Variants in SAMD12 observed in about 807,000 individuals in gnomAD.
SAMD12 encodes sterile alpha motif domain containing 12.
Under a neutral mutation model 15.0 loss-of-function variants are expected in SAMD12, and 9 were observed. That is an observed-to-expected ratio of 0.60 (90% confidence interval 0.36 to 1.05). The LOEUF (loss-of-function observed/expected upper bound fraction) is 1.05. Among genes scored for constraint, SAMD12 ranks in the 50% least tolerant of loss-of-function variants. The probability of loss-of-function intolerance (pLI) is 0.01; values close to 1 mark genes in which losing one functional copy is unlikely to be tolerated. For missense variants in SAMD12, 230 were observed against 234.2 expected (o/e 0.98, Z 0.12); for synonymous variants, 86 against 90.1 (o/e 0.96, Z 0.25).
intron 2 of SAMD12, among the ~76,000 whole-genome samples, chr8:118,457,802 T>C (rs74628708): frequency 3.9e-5 from 6 of 152,322 alleles, no homozygotes; most frequent in Non-Finnish European, 7.4e-5. Flanking sequence ...AAATATCCAA[T>C]TAAACATGAA....
chr8:118,206,002 C>T lies in SAMD12; in HGVS notation c.434-8270G>A, dbSNP rs73316101. Among the ~76,000 whole-genome samples, 1,158 of 152,298 alleles carry T rather than the reference C, an allele frequency of 7.6e-3. 15 individuals are homozygous for T. The highest frequency in any genetic ancestry group is 0.027 in the African/African-American group (1,108 of 41,562). ...CTACTACACTGTGAGCCTGAAAAAC[C>T]TCTCAGAAACTGACTCTGATTCCTG... On this transcript the variant is annotated intron_variant, in intron 4 of 4. Coordinates refer to the SAMD12 transcript ENST00000409003.
intron 4 of SAMD12, among the ~76,000 whole-genome samples, chr8:118,312,185 T>G (rs1158206944): frequency 6.6e-6 from 1 of 152,232 alleles, no homozygotes; most frequent in Admixed American, 6.5e-5. Context: ...CTACACACCC[T>G]GCAGTGCTCT....
intron 1 of SAMD12, among the ~76,000 whole-genome samples, chr8:118,595,084 C>A (rs1326930582): frequency 6.6e-6 from 1 of 152,164 alleles, no homozygotes; most frequent in Non-Finnish European, 1.5e-5. Context: ...TGGTTCAAAT[C>A]AACACATATC....
chr8:118,166,934 A>C, the SAMD12 span, among the ~76,000 whole-genome samples: 1 of 152,130 alleles, frequency 6.6e-6, no homozygotes, highest in Non-Finnish European at 1.5e-5. Context: ...CCTCTGCTTC[A>C]CTGAGCAGCA....
intron 3 of SAMD12, among the ~76,000 whole-genome samples, chr8:118,390,740 T>C (rs187083044): frequency 6.6e-6 from 1 of 152,292 alleles, no homozygotes; most frequent in Admixed American, 6.5e-5. Flanking sequence ...TGGTTACATT[T>C]AGATGATTAG....
the SAMD12 span, among the ~76,000 whole-genome samples, chr8:118,139,691 TTCTA>T: frequency 3.3e-5 from 5 of 152,152 alleles, no homozygotes; most frequent in Non-Finnish European, 7.3e-5. Flanking sequence ...CTGGCTAAGA[TTCTA>T]TCTGTTTTAG....
intron 1 of SAMD12, among the ~76,000 whole-genome samples, chr8:118,601,789 C>T (rs185047560): frequency 2.0e-5 from 3 of 152,298 alleles, no homozygotes; most frequent in Admixed American, 2.0e-4. Context: ...ACCCCCATCC[C>T]TACTCCAAAG....
At chr8:118,620,020 C>CA (rs1370375373) in intron 1 of SAMD12, among the ~76,000 whole-genome samples, 1 of 152,172 alleles carries the variant, frequency 6.6e-6, no homozygotes, top group Non-Finnish European at 1.5e-5. Flanking sequence ...TAGACAGGTA[C>CA]TTTAACCAAG....
chr8:118,280,715 A>C (rs906540188), intron 4 of SAMD12, among the ~76,000 whole-genome samples: 1 of 152,200 alleles, frequency 6.6e-6, no homozygotes, highest in African/African-American at 2.4e-5. Context: ...TCCAGGGAAC[A>C]CACATAGATG....
chr8:118,553,810 T>C (rs1013655162), intron 2 of SAMD12, among the ~76,000 whole-genome samples: 1 of 149,396 alleles, frequency 6.7e-6, no homozygotes, highest in African/African-American at 2.5e-5. Flanking sequence ...ATCCAGAATC[T>C]ACAATGAACT....
At chr8:118,476,804 T>C (rs1454005157) in intron 2 of SAMD12, among the ~76,000 whole-genome samples, 2 of 152,194 alleles carry the variant, frequency 1.3e-5, no homozygotes, top group Non-Finnish European at 2.9e-5. Flanking sequence ...ATATCAAAGA[T>C]TTCTGCCAAG....
intron 2 of SAMD12, among the ~76,000 whole-genome samples, chr8:118,465,171 G>C (rs1823556336): frequency 6.6e-6 from 1 of 152,176 alleles, no homozygotes; most frequent in African/African-American, 2.4e-5. Flanking sequence ...TCTCTGGGTA[G>C]GGTGGGGGAA....
chr8:118,554,351 C>T (rs1354790652), intron 2 of SAMD12, among the ~76,000 whole-genome samples: 1 of 151,772 alleles, frequency 6.6e-6, no homozygotes, highest in African/African-American at 2.4e-5. Context: ...TACTATGCAG[C>T]CATAAAAAAT....
intron 4 of SAMD12, among the ~76,000 whole-genome samples, chr8:118,201,198 G>A (rs1253706545): frequency 6.6e-6 from 1 of 152,118 alleles, no homozygotes; most frequent in Non-Finnish European, 1.5e-5. Flanking sequence ...GATATACAAC[G>A]CTCTTTGGGC....
At chr8:118,585,586 T>A (rs1827419028) in intron 1 of SAMD12, among the ~76,000 whole-genome samples, 1 of 152,372 alleles carries the variant, frequency 6.6e-6, no homozygotes, top group African/African-American at 2.4e-5. Flanking sequence ...TATTTATGAA[T>A]AATATCATCG....
chr8:118,293,912 GCCA>G (rs1262242830), intron 4 of SAMD12, among the ~76,000 whole-genome samples: 1 of 152,194 alleles, frequency 6.6e-6, no homozygotes, highest in Non-Finnish European at 1.5e-5. Context: ...TCAGACAGAA[GCCA>G]GCTCTAGCGA....
At chr8:118,197,732 G>A in exon 5 of SAMD12, 1 of 1,613,104 alleles carries the variant, frequency 6.2e-7, no homozygotes, top group African/African-American at 1.3e-5. Context: ...CTCAGATGAT[G>A]CTGCAAGAAG....
At chr8:118,209,296 G>T (rs1206104016) in intron 4 of SAMD12, among the ~76,000 whole-genome samples, 1 of 152,206 alleles carries the variant, frequency 6.6e-6, no homozygotes, top group East Asian at 1.9e-4. Flanking sequence ...GGTGGTGAAA[G>T]GGTAGGGCTT....
At chr8:118,144,598 T>G in the SAMD12 span, among the ~76,000 whole-genome samples, 3 of 151,906 alleles carry the variant, frequency 2.0e-5, no homozygotes, top group Non-Finnish European at 4.4e-5. Flanking sequence ...TTAATAAAAT[T>G]AATTTAAAAA....
Sources: gnomAD v4.1 joint callset for allele counts (sites outside exome capture counted in the v4.1 genomes callset) on GRCh38, gnomAD v4.1.1 for gene constraint, MANE v1.5 for transcripts, NCBI Gene and HGNC (gene_info 2026-07-23, HGNC 2026-07-21) for gene names.